Variants in CD2AP observed in about 807,000 individuals in gnomAD.
CD2AP encodes CD2 associated protein, also known as CD2-associated protein.
Under a neutral mutation model 85.1 loss-of-function variants are expected in CD2AP, and 46 were observed. The ratio of observed to expected loss-of-function variants is 0.54; its 90% CI spans 0.43 to 0.69. The LOEUF (loss-of-function observed/expected upper bound fraction) is 0.69, where lower values mean the gene tolerates loss of function less well. Ranked by LOEUF, CD2AP falls within the 30% of genes least tolerant of loss-of-function variation. The probability of loss-of-function intolerance (pLI) is 0.00; values close to 1 mark genes in which losing one functional copy is unlikely to be tolerated. For synonymous variants in CD2AP, 255 were observed against 252.9 expected (o/e 1.01, Z -0.08); for missense variants, 769 against 729.5 (o/e 1.05, Z -0.62).
intron 5 of CD2AP, among the ~76,000 whole-genome samples, chr6:47,560,580 G>A (rs566663708): frequency 1.2e-4 from 18 of 151,886 alleles, no homozygotes; most frequent in African/African-American, 4.3e-4. Flanking sequence ...TTTTTCCCCC[G>A]ATTCCTCATG....
intron 2 of CD2AP, among the ~76,000 whole-genome samples, chr6:47,506,826 A>C (rs1470868970): frequency 7.2e-6 from 1 of 139,742 alleles, no homozygotes; most frequent in Non-Finnish European, 1.6e-5. Flanking sequence ...GGAGAGGGAG[A>C]GGGAGAGGGA....
At chr6:47,490,921 G>A (rs1040658341) in intron 1 of CD2AP, among the ~76,000 whole-genome samples, 1 of 152,088 alleles carries the variant, frequency 6.6e-6, no homozygotes, top group African/African-American at 2.4e-5. Flanking sequence ...TGAAAAACAT[G>A]TAAGAAATGC....
intron 5 of CD2AP, among the ~76,000 whole-genome samples, chr6:47,565,310 G>T (rs533712027): frequency 6.6e-6 from 1 of 152,048 alleles, no homozygotes; most frequent in African/African-American, 2.4e-5. Flanking sequence ...GTTATGTTTC[G>T]GTTTTGTAAT....
At chr6:47,620,190 T>C (rs1429254211) in intron 17 of CD2AP, among the ~76,000 whole-genome samples, 1 of 152,260 alleles carries the variant, frequency 6.6e-6, no homozygotes, top group Non-Finnish European at 1.5e-5. Flanking sequence ...TTTTATAGTT[T>C]CAGGTCTTAG....
chr6:47,550,171 A>G (rs1413651616), intron 4 of CD2AP, among the ~76,000 whole-genome samples: 2 of 152,162 alleles, frequency 1.3e-5, no homozygotes, highest in African/African-American at 2.4e-5. Flanking sequence ...GTGACCAAGA[A>G]CCCAAAAGCA....
At chr6:47,553,432 C>G (rs758663817) in intron 4 of CD2AP, among the ~76,000 whole-genome samples, 34 of 151,226 alleles carry the variant, frequency 2.2e-4, no homozygotes, top group Admixed American at 5.3e-4. Flanking sequence ...CTGCAACCTC[C>G]GCTTCCCAGG....
intron 17 of CD2AP, among the ~76,000 whole-genome samples, chr6:47,616,861 A>G (rs1299977688): frequency 6.6e-6 from 1 of 152,172 alleles, no homozygotes; most frequent in East Asian, 1.9e-4. Flanking sequence ...CCTGCAACAG[A>G]TCACATTTTT....
At chr6:47,585,028 T>C (rs1582590873) in intron 11 of CD2AP, among the ~76,000 whole-genome samples, 1 of 152,150 alleles carries the variant, frequency 6.6e-6, no homozygotes, top group Non-Finnish European at 1.5e-5. Context: ...GCGCGGTGTC[T>C]TACGCCTGTA....
intron 17 of CD2AP, among the ~76,000 whole-genome samples, chr6:47,619,196 C>A (rs751400702): frequency 1.3e-5 from 2 of 152,148 alleles, no homozygotes; most frequent in Admixed American, 1.3e-4. Context: ...TACTGCACCA[C>A]GTTCGTAGTC....
chr6:47,566,323 T>TATATACATATATATATATATACACAC lies in CD2AP; in HGVS notation c.542-7740_542-7739insTATACATATATATATATATACACACA. ...TAGAATATATATATATATATATATATACACATACACATATATATATATGTA... is the reference window on the plus strand; with the variant it reads ...TAGAATATATATATATATATATATATATATACATATATATATATATACACACACACATACACATATATATATATGTA... On this transcript the variant is annotated intron_variant, in intron 5 of 17. Transcript: ENST00000359314. Among the ~76,000 whole-genome samples, 323 of 108,414 alleles carry TATATACATATATATATATATACACAC rather than the reference T, an allele frequency of 3.0e-3. 3 individuals carry two copies. Among genetic ancestry groups the TATATACATATATATATATATACACAC allele is most frequent in the African/African-American group, 8.9e-3 (306 of 34,424 alleles). The allele number at this position is 108,414 out of a possible 152,430, so 71.1% of individuals were successfully genotyped here. A position where few individuals can be genotyped will look rare whatever the true frequency, so the allele number is the denominator to read the frequency against.
chr6:47,484,315 C>T (rs868466592), intron 1 of CD2AP, among the ~76,000 whole-genome samples: 3 of 150,914 alleles, frequency 2.0e-5, no homozygotes, highest in Admixed American at 2.0e-4. Context: ...TTCTGGGCTC[C>T]TAAATGTTTT....
chr6:47,557,260 T>C (rs1047609771), intron 5 of CD2AP, among the ~76,000 whole-genome samples: 10 of 152,014 alleles, frequency 6.6e-5, no homozygotes, highest in Non-Finnish European at 1.2e-4. Context: ...AAAAATTTTC[T>C]CCCATTCTGT....
intron 17 of CD2AP, among the ~76,000 whole-genome samples, chr6:47,618,559 TA>T (rs1582631958): frequency 6.6e-6 from 1 of 152,174 alleles, no homozygotes; most frequent in African/African-American, 2.4e-5. Flanking sequence ...GTGTACATGT[TA>T]AAAATATATC....
intron 2 of CD2AP, among the ~76,000 whole-genome samples, chr6:47,514,983 C>T (rs968869955): frequency 1.3e-5 from 2 of 150,710 alleles, no homozygotes; most frequent in African/African-American, 4.9e-5. Flanking sequence ...ACCCAGGAGG[C>T]GGAGGTTGCA....
At chr6:47,503,850 G>A (rs953319182) in intron 2 of CD2AP, among the ~76,000 whole-genome samples, 1 of 152,202 alleles carries the variant, frequency 6.6e-6, no homozygotes, top group Non-Finnish European at 1.5e-5. Flanking sequence ...TAGATTGAGA[G>A]GTTAAGTGAT....
chr6:47,537,080 T>G (rs572480952), intron 3 of CD2AP, among the ~76,000 whole-genome samples: 3 of 152,308 alleles, frequency 2.0e-5, no homozygotes, highest in African/African-American at 7.2e-5. Context: ...AAAGATACAT[T>G]GAGATTGATA....
chr6:47,531,325 A>T (rs770828694), intron 2 of CD2AP, among the ~76,000 whole-genome samples: 62 of 152,100 alleles, frequency 4.1e-4, no homozygotes, highest in Non-Finnish European at 8.4e-4. Flanking sequence ...ATATTTTAAC[A>T]ATTTAACCAT....
intron 6 of CD2AP, among the ~76,000 whole-genome samples, chr6:47,574,707 C>T (rs893304111): frequency 6.6e-6 from 1 of 151,678 alleles, no homozygotes; most frequent in Non-Finnish European, 1.5e-5. Flanking sequence ...TCTAGATTGT[C>T]AACATTCATT....
chr6:47,580,184 G>A (rs933808560), intron 9 of CD2AP, among the ~76,000 whole-genome samples: 5 of 152,054 alleles, frequency 3.3e-5, no homozygotes, highest in Non-Finnish European at 7.4e-5. Context: ...GCCTTCATAT[G>A]CTTTATTTTA....
Sources: allele counts gnomAD v4.1 joint callset (sites outside exome capture counted in the v4.1 genomes callset), GRCh38; gene constraint gnomAD v4.1.1; transcripts MANE v1.5; gene names NCBI Gene and HGNC (gene_info 2026-07-23, HGNC 2026-07-21).